Variants in HECW1 observed in about 807,000 individuals in gnomAD.
The protein encoded by HECW1 is HECT, C2 and WW domain containing E3 ubiquitin protein ligase 1, also known as E3 ubiquitin-protein ligase HECW1.
Under a neutral mutation model 182.3 loss-of-function variants are expected in HECW1, and 61 were observed. The ratio of observed to expected loss-of-function variants is 0.33; its 90% CI spans 0.27 to 0.41. The LOEUF is 0.41. Among genes scored for constraint, HECW1 ranks in the 10% least tolerant of loss-of-function variants. HECW1 has a pLI of 1.00. For missense variants in HECW1, 1,739 were observed against 2,108.9 expected (o/e 0.82, Z 3.44); for synonymous variants, 859 against 832.6 (o/e 1.03, Z -0.55).
At chr7:43,225,701 A>T (rs1465309982) in intron 2 of HECW1, among the ~76,000 whole-genome samples, 5 of 152,228 alleles carry the variant, frequency 3.3e-5, no homozygotes, top group African/African-American at 9.6e-5. Context: ...AATTATTAAA[A>T]ACCATGAATA....
chr7:43,145,095 A>G (rs185629825), intron 2 of HECW1, among the ~76,000 whole-genome samples: 2 of 152,326 alleles, frequency 1.3e-5, no homozygotes, highest in East Asian at 1.9e-4. Flanking sequence ...CTTTATTCCC[A>G]AAATAAATTA....
intron 5 of HECW1, among the ~76,000 whole-genome samples, chr7:43,346,655 A>C (rs1239070980): frequency 6.6e-6 from 1 of 151,916 alleles, no homozygotes; most frequent in Non-Finnish European, 1.5e-5. Context: ...ATATATCTTG[A>C]GTTGATTTTT....
At chr7:43,261,233 A>G (rs1399625244) in intron 3 of HECW1, among the ~76,000 whole-genome samples, 1 of 152,192 alleles carries the variant, frequency 6.6e-6, no homozygotes, top group Non-Finnish European at 1.5e-5. Flanking sequence ...AATTATTGGC[A>G]TAGGAAAAGT....
At position 43,263,366 on chromosome 7, in the gene HECW1, G is replaced by T. The variant is rs541424042; in HGVS notation, c.27+19434G>T. Among the ~76,000 whole-genome samples, 5 of 152,154 alleles carry T rather than the reference G, an allele frequency of 3.3e-5. No individual in the cohort carries two copies. In the South Asian group the frequency reaches 1.0e-3, roughly 32 times the overall value. On this transcript the variant is annotated intron_variant, in intron 3 of 29. Transcript: ENST00000395891. ...AATAATCTGAGCTCTGTTTGTTGTT[G>T]TTGTTGTTGTTTGAGATGGAGTCTC... is the stretch of plus-strand genomic sequence containing the variant.
intron 2 of HECW1, among the ~76,000 whole-genome samples, chr7:43,189,039 A>C (rs1189667410): frequency 6.6e-6 from 1 of 151,558 alleles, no homozygotes; most frequent in African/African-American, 2.4e-5. Context: ...CTAATCTTAC[A>C]CTCGTTCGCT....
At chr7:43,488,432 A>AAGAG (rs761726817) in intron 17 of HECW1, among the ~76,000 whole-genome samples, 1 of 41,046 alleles carries the variant, frequency 2.4e-5, no homozygotes, top group Non-Finnish European at 5.3e-5. Flanking sequence ...GAAAGAAAGA[A>AAGAG]AGAGAAAGAA....
intron 2 of HECW1, among the ~76,000 whole-genome samples, chr7:43,137,871 C>G (rs555193191): frequency 2.0e-5 from 3 of 152,150 alleles, no homozygotes; most frequent in Admixed American, 2.0e-4. Context: ...TCTTTATCAC[C>G]TGTTTAGATC....
intron 2 of HECW1, among the ~76,000 whole-genome samples, chr7:43,165,229 A>G (rs532030890): frequency 1.3e-5 from 2 of 152,354 alleles, no homozygotes; most frequent in Admixed American, 1.3e-4. Flanking sequence ...GAAATGTGTC[A>G]ATTTCCCTTT....
chr7:43,538,272 C>A (rs2081249703), intron 24 of HECW1, among the ~76,000 whole-genome samples: 1 of 152,084 alleles, frequency 6.6e-6, no homozygotes, highest in Non-Finnish European at 1.5e-5. Flanking sequence ...TGAGGGAGGG[C>A]GATATCACTC....
intron 24 of HECW1, among the ~76,000 whole-genome samples, chr7:43,525,910 G>A (rs2080738368): frequency 6.6e-6 from 1 of 152,166 alleles, no homozygotes; most frequent in African/African-American, 2.4e-5. Context: ...TACACTGGCT[G>A]TCCCTACTAT....
chr7:43,128,218 TG>T (rs1447551480), intron 2 of HECW1, among the ~76,000 whole-genome samples: 2 of 152,170 alleles, frequency 1.3e-5, no homozygotes, highest in Non-Finnish European at 2.9e-5. Context: ...AACCTTCTAT[TG>T]GAAAAAGTTG....
chr7:43,118,575 A>G (rs1346988514), intron 2 of HECW1: 1 of 152,254 alleles, frequency 6.6e-6, no homozygotes, highest in Non-Finnish European at 1.5e-5. Flanking sequence ...GGACGCAGTC[A>G]GTAAGTTTTT....
At chr7:43,118,645 A>T (rs1785277659) in intron 2 of HECW1, 1 of 152,216 alleles carries the variant, frequency 6.6e-6, no homozygotes, top group African/African-American at 2.4e-5. Context: ...TGCCATCAAA[A>T]CTTAAAACTA....
chr7:43,543,188 T>A (rs1283714765), intron 26 of HECW1, among the ~76,000 whole-genome samples: 1 of 152,204 alleles, frequency 6.6e-6, no homozygotes, highest in Non-Finnish European at 1.5e-5. Context: ...AGACCTAAAG[T>A]CTGTGACATA....
chr7:43,471,853 A>C (rs886496471), intron 16 of HECW1, among the ~76,000 whole-genome samples: 6 of 152,196 alleles, frequency 3.9e-5, no homozygotes, highest in Non-Finnish European at 5.9e-5. Flanking sequence ...AAGCAAACAG[A>C]ATCTTGGTCT....
At chr7:43,122,862 A>T (rs908662736) in intron 2 of HECW1, among the ~76,000 whole-genome samples, 1 of 152,232 alleles carries the variant, frequency 6.6e-6, no homozygotes, top group Non-Finnish European at 1.5e-5. Context: ...ATATAAACAC[A>T]TGCATATAAT....
intron 2 of HECW1, among the ~76,000 whole-genome samples, chr7:43,153,420 T>G (rs1208198667): frequency 3.3e-5 from 5 of 152,168 alleles, no homozygotes; most frequent in Admixed American, 3.3e-4. Flanking sequence ...GGAAGTCTCA[T>G]AGAGATTTTG....
chr7:43,364,997 G>A (rs1221853926), intron 6 of HECW1, among the ~76,000 whole-genome samples: 1 of 152,206 alleles, frequency 6.6e-6, no homozygotes, highest in Admixed American at 6.5e-5. Context: ...CAAAGACAGG[G>A]TGGGTAAACT....
At chr7:43,344,004 C>T (rs1813360607) in intron 5 of HECW1, among the ~76,000 whole-genome samples, 2 of 151,822 alleles carry the variant, frequency 1.3e-5, no homozygotes, top group South Asian at 4.1e-4. Flanking sequence ...TCTCTGATGA[C>T]CAGTGATGAA....
Sources: allele counts gnomAD v4.1 joint callset (sites outside exome capture counted in the v4.1 genomes callset), GRCh38; gene constraint gnomAD v4.1.1; transcripts MANE v1.5; gene names NCBI Gene and HGNC (gene_info 2026-07-23, HGNC 2026-07-21).